The following AGBL4 variants were observed in gnomAD, a reference collection of about 807,000 sequenced individuals.
AGBL4 encodes AGBL carboxypeptidase 4.
In AGBL4, 58 loss-of-function variants were observed where a neutral mutation model predicts 66.4. That is an observed-to-expected ratio of 0.87 (90% CI 0.71 to 1.09). AGBL4 has a LOEUF of 1.09. AGBL4 is among the 50% of genes least tolerant of loss of function. The pLI is 0.00. For synonymous variants in AGBL4, 234 were observed against 222.9 expected (o/e 1.05, Z -0.44); for missense variants, 579 against 631.0 (o/e 0.92, Z 0.88).
rs1198034361 is a variant in AGBL4 at position 49,096,173 on chromosome 1, A to C, written c.378-50373T>G. ...CACACCAGTTAGAATGGCGATCATT[A>C]AAAAGTCAGGAAACAACAGGTGCTG... On this transcript the variant is annotated intron_variant, in intron 4 of 13. Transcript: ENST00000371839. Among the ~76,000 whole-genome samples the C allele has an allele frequency of 2.0e-4, 30 of 151,982 alleles. 1 individual carries two copies. The South Asian group carries it at 6.2e-3, about 32-fold the overall frequency.
chr1:49,013,019 T>C (rs886458550), intron 5 of AGBL4, among the ~76,000 whole-genome samples: 4 of 152,190 alleles, frequency 2.6e-5, no homozygotes, highest in Admixed American at 6.5e-5. Flanking sequence ...CTTTCTTCCA[T>C]GGTATGGTGC....
At chr1:48,827,761 G>C (rs571055560) in intron 6 of AGBL4, among the ~76,000 whole-genome samples, 1 of 152,164 alleles carries the variant, frequency 6.6e-6, no homozygotes, top group Non-Finnish European at 1.5e-5. Context: ...CAGGCTGGGG[G>C]ATGAGACAAA....
intron 5 of AGBL4, among the ~76,000 whole-genome samples, chr1:48,908,121 T>C (rs901258138): frequency 1.3e-5 from 2 of 152,208 alleles, no homozygotes; most frequent in South Asian, 4.1e-4. Flanking sequence ...TCCCTGTTCC[T>C]TTTGGGAAGA....
chr1:49,077,130 G>A (rs1421740645), intron 4 of AGBL4, among the ~76,000 whole-genome samples: 7 of 151,900 alleles, frequency 4.6e-5, no homozygotes, highest in Non-Finnish European at 1.0e-4. Context: ...CTCATAGATG[G>A]AAACTACTTG....
intron 3 of AGBL4, among the ~76,000 whole-genome samples, chr1:49,256,302 T>C (rs1385456643): frequency 2.6e-5 from 4 of 152,184 alleles, no homozygotes; most frequent in African/African-American, 4.8e-5. Flanking sequence ...TGTACAGTTG[T>C]AATATATCAA....
chr1:49,491,044 C>G (rs986491241), intron 3 of AGBL4, among the ~76,000 whole-genome samples: 3 of 151,654 alleles, frequency 2.0e-5, no homozygotes, highest in Admixed American at 1.3e-4. Flanking sequence ...AATATACATA[C>G]CATGTCTCTA....
At chr1:49,477,917 G>T (rs1646878173) in intron 3 of AGBL4, among the ~76,000 whole-genome samples, 1 of 151,546 alleles carries the variant, frequency 6.6e-6, no homozygotes, top group African/African-American at 2.4e-5. Flanking sequence ...AAATGCAACT[G>T]ACACACTGAA....
chr1:48,910,443 T>G (rs985342012), intron 5 of AGBL4, among the ~76,000 whole-genome samples: 1 of 152,326 alleles, frequency 6.6e-6, no homozygotes, highest in Non-Finnish European at 1.5e-5. Context: ...CTAACAGTTA[T>G]TTTGAGATGC....
chr1:49,088,543 A>C (rs968217108), intron 4 of AGBL4, among the ~76,000 whole-genome samples: 3 of 152,136 alleles, frequency 2.0e-5, no homozygotes, highest in Non-Finnish European at 4.4e-5. Flanking sequence ...ATTCAACAAG[A>C]AGTTCTAGCT....
chr1:49,447,202 G>A (rs1167269), intron 3 of AGBL4, among the ~76,000 whole-genome samples: 7,427 of 152,250 alleles, frequency 0.049, 567 homozygotes, highest in African/African-American at 0.16. Flanking sequence ...CAAGTACAAA[G>A]TTTGTGCCAC....
At chr1:49,383,737 C>A (rs537643391) in intron 3 of AGBL4, among the ~76,000 whole-genome samples, 3 of 151,516 alleles carry the variant, frequency 2.0e-5, no homozygotes, top group Non-Finnish European at 4.4e-5. Context: ...TATTCAGCAG[C>A]GATTTCTGGC....
intron 9 of AGBL4, 125 bp downstream of exon 9, chr1:48,634,368 G>C: frequency 1.4e-6 from 1 of 703,132 alleles, no homozygotes; most frequent in East Asian, 2.9e-5. Context: ...AGCAGGCCTA[G>C]TGCCTCCCTG....
At chr1:48,599,316 T>C (rs1645042146) in intron 9 of AGBL4, among the ~76,000 whole-genome samples, 1 of 152,242 alleles carries the variant, frequency 6.6e-6, no homozygotes, top group African/African-American at 2.4e-5. Context: ...TATTATTAAG[T>C]GTTATGTATT....
At chr1:48,608,217 A>G (rs752075696) in intron 9 of AGBL4, among the ~76,000 whole-genome samples, 5 of 152,192 alleles carry the variant, frequency 3.3e-5, no homozygotes, top group Non-Finnish European at 7.3e-5. Context: ...AAAGCTTTCA[A>G]TCTAGTTTTC....
chr1:48,774,278 T>C (rs1469209728), intron 6 of AGBL4, among the ~76,000 whole-genome samples: 1 of 152,204 alleles, frequency 6.6e-6, no homozygotes, highest in Non-Finnish European at 1.5e-5. Flanking sequence ...CCAGATGAGC[T>C]CTCTGAAGTC....
intron 4 of AGBL4, among the ~76,000 whole-genome samples, chr1:49,237,309 C>A (rs115864396): frequency 0.029 from 4,335 of 150,566 alleles, 218 homozygotes; most frequent in African/African-American, 0.1. Context: ...AGTTTCCCTG[C>A]ACAAGCTCTC....
At chr1:49,556,956 C>T (rs929299814) in intron 3 of AGBL4, among the ~76,000 whole-genome samples, 1 of 152,142 alleles carries the variant, frequency 6.6e-6, no homozygotes, top group Admixed American at 6.5e-5. Context: ...TGCTAAGCCC[C>T]TCACTGCCTG....
At position 49,619,966 on chromosome 1, in the gene AGBL4, T is replaced by G. The variant is rs1645326388; in HGVS notation, c.282+77347A>C. 2.0e-5 allele frequency among the ~76,000 whole-genome samples: 3 copies of G among 152,060 alleles called. No homozygotes were observed. In the South Asian group the frequency reaches 6.2e-4, roughly 32 times the overall value. Reference sequence around the variant, plus strand: ...CCTTCCCTACATCTTATACAAAAATTAATTCAAGATGGGTTAGAGACTTAA... The same window carrying G: ...CCTTCCCTACATCTTATACAAAAATGAATTCAAGATGGGTTAGAGACTTAA... On this transcript the variant is annotated intron_variant, in intron 3 of 13. Coordinates refer to ENST00000371839, the MANE Select transcript of AGBL4 (RefSeq NM_032785.4).
intron 3 of AGBL4, among the ~76,000 whole-genome samples, chr1:49,677,832 CCA>C (rs910120731): frequency 2.0e-5 from 3 of 152,100 alleles, no homozygotes; most frequent in Non-Finnish European, 2.9e-5. Context: ...CTTGCTTTCT[CCA>C]CAGTGTGAAC....
Sources: gnomAD v4.1 joint callset for allele counts (sites outside exome capture counted in the v4.1 genomes callset) on GRCh38, gnomAD v4.1.1 for gene constraint, MANE v1.5 for transcripts, NCBI Gene and HGNC (gene_info 2026-07-23, HGNC 2026-07-21) for gene names.